Variants in RRP12 observed in about 807,000 individuals in gnomAD.
RRP12 encodes RRP12-like protein.
RRP12 carries 78 observed loss-of-function variants against 157.3 expected under a neutral mutation model. That is an observed-to-expected ratio of 0.50 (90% CI 0.41 to 0.60). The LOEUF (loss-of-function observed/expected upper bound fraction) is 0.60, where lower values mean the gene tolerates loss of function less well. RRP12 is among the 20% of genes least tolerant of loss of function. The probability of loss-of-function intolerance (pLI) is 0.00; values close to 1 mark genes in which losing one functional copy is unlikely to be tolerated. For missense variants in RRP12, 1,521 were observed against 1,679.9 expected (o/e 0.91, Z 1.65); for synonymous variants, 726 against 670.9 (o/e 1.08, Z -1.27).
intron 6 of RRP12, 40 bp from the exon 7 acceptor site, chr10:97,388,664 G>T: frequency 6.2e-7 from 1 of 1,602,998 alleles, no homozygotes. Context: ...CCAGATCAGC[G>T]TTCCACCAGC....
chr10:97,367,050 C>G lies in RRP12; in HGVS notation c.3038G>C (p.Arg1013Pro). ...KLRNLFTKFI[R>P]KFGFELVKRL... Reference sequence around the variant, plus strand: ...TGCTCAGTGCACAGACCCAAACTTGCGGATGAACTTGGTGAACAGGTTCCG... The same window carrying G: ...TGCTCAGTGCACAGACCCAAACTTGGGGATGAACTTGGTGAACAGGTTCCG... The change falls in exon 26 of 34, where the codon CGC becomes CCC. Residue 1013 changes from arginine to proline, a missense_variant. Physicochemically the swap from Arg to Pro is moderately radical, Grantham distance 103 (BLOSUM62 -2). Transcript: ENST00000370992. 1 of 1,614,154 alleles carries G rather than the reference C, an allele frequency of 6.2e-7. No homozygotes were observed. Among genetic ancestry groups the G allele is most frequent in the Non-Finnish European group, 8.5e-7 (1 of 1,180,002 alleles).
At chr10:97,383,894 G>C (rs1319340148) in intron 10 of RRP12, among the ~76,000 whole-genome samples, 2 of 152,192 alleles carry the variant, frequency 1.3e-5, no homozygotes, top group Non-Finnish European at 2.9e-5. Context: ...CCACCTTGCT[G>C]TTCCTCCCGG....
At chr10:97,391,825 G>A (rs1589438465) in intron 4 of RRP12, among the ~76,000 whole-genome samples, 1 of 151,808 alleles carries the variant, frequency 6.6e-6, no homozygotes, top group East Asian at 1.9e-4. Context: ...ACAGGCTGAG[G>A]CACGAGAACG....
Position 97,385,911 on chromosome 10 carries a change from T to C in RRP12, c.1100A>G (p.Asn367Ser), listed in dbSNP as rs755901169. The C allele has an allele frequency of 7.3e-5, 117 of 1,605,058 alleles. No homozygotes were observed. In the Admixed American group the frequency reaches 1.9e-3, roughly 26 times the overall value. The part of the protein sequence containing the change: ...PGLSTLSAEL[N>S]AQIITALYDY... Reference sequence around the variant, plus strand: ...AGGCCTCACCGTGATGATCTGGGCGTTGAGCTCTGCTGACAGGGTGCTCAG... The same window carrying C: ...AGGCCTCACCGTGATGATCTGGGCGCTGAGCTCTGCTGACAGGGTGCTCAG... Residue 367 changes from asparagine (N) to serine (S), a missense_variant, in exon 9 of 34, where the codon AAC becomes AGC. Coordinates refer to ENST00000370992, the MANE Select transcript of RRP12 (RefSeq NM_015179.4).
At position 97,380,921 on chromosome 10, in the gene RRP12, G is replaced by A. The variant is rs747608642; in HGVS notation, c.1419-8C>T. 3 of 1,610,638 alleles carry A rather than the reference G, an allele frequency of 1.9e-6. No homozygotes were observed. The South Asian group carries it at 3.3e-5, about 18-fold the overall frequency. On this transcript the variant is annotated splice_region_variant and splice_polypyrimidine_tract_variant and intron_variant, in intron 12 of 33. Transcript: ENST00000370992. ...AGGCCCTCCTCCACTGCCCTGCCAA[G>A]GGGGCGGCACAGTCAGGGCCACGGT...
In RRP12 at chr10:97,366,871, T is replaced by C. The variant is rs1844001255; in HGVS notation, c.3086A>G (p.His1029Arg). The C allele has an allele frequency of 6.2e-7, 1 of 1,614,094 alleles. No homozygotes were observed. The highest frequency in any genetic ancestry group is 8.5e-7 in the Non-Finnish European group (1 of 1,180,004). Reference sequence around the variant, plus strand: ...TTTCCGGATGTTGACCAGGACTCTGTGGTACTCCTCGGGCAACAGCCTTTT... The same window carrying C: ...TTTCCGGATGTTGACCAGGACTCTGCGGTACTCCTCGGGCAACAGCCTTTT... ...LVKRLLPEEYHRVLVNIRKAE... is the reference protein window; with the variant it reads ...LVKRLLPEEYRRVLVNIRKAE... Residue 1029 changes from histidine (H) to arginine (R), a missense_variant, in exon 27 of 34, where the codon CAC becomes CGC. His to Arg is a conservative substitution (Grantham distance 29, BLOSUM62 0). Coordinates refer to ENST00000370992, the MANE Select transcript of RRP12 (RefSeq NM_015179.4).
At chr10:97,392,153 G>A (rs886330773) in intron 4 of RRP12, among the ~76,000 whole-genome samples, 1 of 151,638 alleles carries the variant, frequency 6.6e-6, no homozygotes, top group Non-Finnish European at 1.5e-5. Context: ...GTATTTTTTT[G>A]TAGAGACAAG....
intron 4 of RRP12, chr10:97,393,236 T>C: frequency 2.2e-6 from 1 of 453,558 alleles, no homozygotes; most frequent in South Asian, 1.6e-5. Context: ...ACTTTCACAA[T>C]GATTTTCTGC....
chr10:97,390,846 T>C lies in RRP12; in HGVS notation c.531-2A>G. On this transcript the variant is annotated splice_acceptor_variant, in intron 4 of 33. Coordinates refer to ENST00000370992, the MANE Select transcript of RRP12 (RefSeq NM_015179.4). LOFTEE classifies it high-confidence loss of function. ...TTAATAAGCACAGGGCTGGGAACAC[T>C]GTGGGAAAGAACAGAGATGGTCACC... 6.3e-7 allele frequency: 1 copy of C among 1,594,990 alleles called. No homozygotes were observed. The highest frequency in any genetic ancestry group is 1.1e-5 in the South Asian group (1 of 90,684).
intron 19 of RRP12, 103 bp downstream of exon 19, chr10:97,372,633 C>A (rs1310767250): frequency 2.1e-6 from 2 of 937,446 alleles, no homozygotes; most frequent in Non-Finnish European, 3.4e-6. Context: ...TACTTCAAGG[C>A]TTCCTTAAAT....
At chr10:97,358,301 C>G (rs1162224410) in intron 33 of RRP12, among the ~76,000 whole-genome samples, 1 of 151,946 alleles carries the variant, frequency 6.6e-6, no homozygotes, top group Non-Finnish European at 1.5e-5. Context: ...CCACTGCACT[C>G]CAGCCTGGCG....
intron 4 of RRP12, among the ~76,000 whole-genome samples, chr10:97,391,960 C>T (rs371905157): frequency 4.6e-5 from 7 of 151,264 alleles, no homozygotes; most frequent in South Asian, 2.1e-4. Flanking sequence ...CGATATTTTT[C>T]GGTATATCAT....
chr10:97,395,214 A>ACACG, intron 3 of RRP12, among the ~76,000 whole-genome samples: 1 of 151,928 alleles, frequency 6.6e-6, no homozygotes, highest in South Asian at 2.1e-4. Context: ...ATATACACAC[A>ACACG]CACACACACA....
At chr10:97,367,256 G>A (rs1844016601) in intron 25 of RRP12, 124 bp from the exon 26 acceptor site, 6 of 771,886 alleles carry the variant, frequency 7.8e-6, no homozygotes, top group East Asian at 2.7e-5. Flanking sequence ...GCGCGGCCCT[G>A]CTCCTGGCCC....
Position 97,369,417 on chromosome 10 carries a change from A to T in RRP12, c.2955+8T>A. The T allele has an allele frequency of 6.2e-7, 1 of 1,611,018 alleles. No individual in the cohort carries two copies. Among genetic ancestry groups the T allele is most frequent in the Non-Finnish European group, 8.5e-7 (1 of 1,178,930 alleles). On this transcript the variant is annotated splice_region_variant and intron_variant, in intron 25 of 33. Transcript: ENST00000370992. ...CTGCTACCTGCTAAGGGGAACGGGGACACTCACCACCAGCTGCACATGTTT... is the reference window on the plus strand; with the variant it reads ...CTGCTACCTGCTAAGGGGAACGGGGTCACTCACCACCAGCTGCACATGTTT...
chr10:97,375,969 T>C (rs1199615905), intron 15 of RRP12, among the ~76,000 whole-genome samples: 1 of 151,782 alleles, frequency 6.6e-6, no homozygotes, highest in Non-Finnish European at 1.5e-5. Flanking sequence ...CGAGGGGTGA[T>C]GGTACACGCC....
rs1400798917 is a variant in RRP12 at position 97,370,472 on chromosome 10, A to G, written c.2672T>C (p.Phe891Ser). ...LVEMGHAFLRFGSNQEEALQC... is the reference protein window; with the variant it reads ...LVEMGHAFLRSGSNQEEALQC... ...GGCCTCACCTTCCTGGTTCGAGCCA[A>G]ACCTTAGGAAAGCATGGCCCATCTC... The change falls in exon 23 of 34, where the codon TTT (phenylalanine) becomes TCT (serine). Residue 891 changes from phenylalanine to serine, a missense_variant. Phe to Ser is a radical substitution (Grantham distance 155). Coordinates refer to ENST00000370992, the MANE Select transcript of RRP12 (RefSeq NM_015179.4). 1 of 1,606,138 alleles carries G rather than the reference A, an allele frequency of 6.2e-7. No homozygotes were observed. The highest frequency in any genetic ancestry group is 1.7e-5 in the Admixed American group (1 of 58,270).
intron 11 of RRP12, 78 bp from the exon 12 acceptor site, chr10:97,381,561 C>G: frequency 7.7e-7 from 1 of 1,300,598 alleles, no homozygotes; most frequent in Non-Finnish European, 1.1e-6. Flanking sequence ...CAACAGTTTC[C>G]TGGGAGTCTA....
rs368783207 is a variant in RRP12 at position 97,381,440 on chromosome 10, C to T, written c.1364G>A (p.Gly455Asp). Residue 455 changes from glycine to aspartate, a missense_variant, in exon 12 of 34, where the codon GGC becomes GAC. Physicochemically the swap from Gly to Asp is moderately conservative, Grantham distance 94. Coordinates refer to ENST00000370992, the MANE Select transcript of RRP12 (RefSeq NM_015179.4). ...GCCTGAGGCCGAGGAGGTCACGGAG[C>T]CAATGTCAGCCATGTGGGGAGCCAC... Reference protein sequence around the residue: ...ECVAPHMADIGSVTSSASGPA... With the variant: ...ECVAPHMADIDSVTSSASGPA... 2 of 1,613,370 alleles carry T rather than the reference C, an allele frequency of 1.2e-6. No individual in the cohort carries two copies. The highest frequency in any genetic ancestry group is 2.7e-5 in the African/African-American group (2 of 74,890).
Sources: allele counts gnomAD v4.1 joint callset (sites outside exome capture counted in the v4.1 genomes callset), GRCh38; gene constraint gnomAD v4.1.1; transcripts MANE v1.5; gene names NCBI Gene and HGNC (gene_info 2026-07-23, HGNC 2026-07-21).